Variants in SHISA9 observed in about 807,000 individuals in gnomAD.
SHISA9 encodes the protein protein shisa-9.
In SHISA9, 13 loss-of-function variants were observed where a neutral mutation model predicts 38.0. The observed-to-expected ratio is 0.34, with a 90% CI of 0.22 to 0.54. The LOEUF (loss-of-function observed/expected upper bound fraction) is 0.54. Ranked by LOEUF, SHISA9 falls within the 20% of genes least tolerant of loss-of-function variation. The pLI, the probability that SHISA9 is intolerant of heterozygous loss-of-function variation, is 0.91. For missense variants in SHISA9, 538 were observed against 575.8 expected (o/e 0.93, Z 0.67); for synonymous variants, 275 against 242.0 (o/e 1.14, Z -1.27).
intron 2 of SHISA9, among the ~76,000 whole-genome samples, chr16:13,019,760 TTTCTTTTC>T (rs2072801290): frequency 6.7e-6 from 1 of 148,902 alleles, no homozygotes; most frequent in African/African-American, 2.5e-5. Context: ...TTTTCTTTTC[TTTCTTTTC>T]TTTCTTTCTT....
chr16:13,254,013 T>C, the SHISA9 span, among the ~76,000 whole-genome samples: 2 of 152,166 alleles, frequency 1.3e-5, no homozygotes, highest in African/African-American at 4.8e-5. Context: ...AAAATTCTAA[T>C]TAGGGCTACT....
At chr16:13,412,111 A>T in the SHISA9 span, among the ~76,000 whole-genome samples, 2 of 145,692 alleles carry the variant, frequency 1.4e-5, no homozygotes, top group African/African-American at 5.7e-5. Flanking sequence ...ATGTAAGTAC[A>T]GAAAGGGACA....
At chr16:13,456,314 A>G in the SHISA9 span, among the ~76,000 whole-genome samples, 2 of 152,070 alleles carry the variant, frequency 1.3e-5, no homozygotes, top group Non-Finnish European at 2.9e-5. Context: ...AGCTAGCTAG[A>G]CCACCTCTCC....
chr16:13,295,211 T>G, the SHISA9 span, among the ~76,000 whole-genome samples: 1 of 152,166 alleles, frequency 6.6e-6, no homozygotes, highest in Non-Finnish European at 1.5e-5. Flanking sequence ...AATAAGAAAG[T>G]AAAATAAATA....
At chr16:13,010,174 C>T (rs946493386) in intron 2 of SHISA9, among the ~76,000 whole-genome samples, 4 of 150,320 alleles carry the variant, frequency 2.7e-5, no homozygotes, top group South Asian at 2.1e-4. Context: ...AATCTTGTCT[C>T]GAAAAAAGAA....
intron 2 of SHISA9, among the ~76,000 whole-genome samples, chr16:13,133,334 T>G (rs1375534083): frequency 6.6e-6 from 1 of 152,216 alleles, no homozygotes; most frequent in Non-Finnish European, 1.5e-5. Context: ...AAAGAGAATT[T>G]GCTCACAAGG....
chr16:13,461,882 G>A, the SHISA9 span, among the ~76,000 whole-genome samples: 17,960 of 151,808 alleles, frequency 0.12, 1,121 homozygotes, highest in Non-Finnish European at 0.13. Flanking sequence ...CAAAGTGCTG[G>A]GATTACAGGC....
the SHISA9 span, among the ~76,000 whole-genome samples, chr16:13,390,201 C>A: frequency 4.0e-5 from 6 of 151,870 alleles, no homozygotes; most frequent in Non-Finnish European, 8.8e-5. Context: ...ATACCAGGTG[C>A]ACCAGAAGCA....
At chr16:13,300,246 C>T in the SHISA9 span, among the ~76,000 whole-genome samples, 4 of 152,230 alleles carry the variant, frequency 2.6e-5, no homozygotes, top group East Asian at 1.9e-4. Context: ...AGACCCAATC[C>T]GCCCCCACAT....
chr16:12,925,285 C>T (rs1414713177), intron 2 of SHISA9, among the ~76,000 whole-genome samples: 2 of 152,172 alleles, frequency 1.3e-5, no homozygotes, highest in Admixed American at 1.3e-4. Context: ...CCATTTGTTC[C>T]TGTCTTACGG....
At chr16:13,555,827 A>G in the SHISA9 span, among the ~76,000 whole-genome samples, 1 of 152,182 alleles carries the variant, frequency 6.6e-6, no homozygotes, top group African/African-American at 2.4e-5. Flanking sequence ...TAAAATAACT[A>G]TCCACCTCTC....
the SHISA9 span, among the ~76,000 whole-genome samples, chr16:13,435,201 A>G: frequency 6.6e-6 from 1 of 151,792 alleles, no homozygotes; most frequent in African/African-American, 2.4e-5. Context: ...ATTCCCTGAA[A>G]GGATAGATGT....
At chr16:13,087,185 C>T in intron 2 of SHISA9, among the ~76,000 whole-genome samples, 1 of 129,388 alleles carries the variant, frequency 7.7e-6, no homozygotes, top group Admixed American at 9.0e-5. Context: ...GCATGGTATT[C>T]CATGGTGTAT....
At chr16:13,376,404 T>C in the SHISA9 span, among the ~76,000 whole-genome samples, 4 of 152,332 alleles carry the variant, frequency 2.6e-5, no homozygotes, top group South Asian at 2.1e-4. Context: ...AACACACTTA[T>C]ATGACTACAT....
the SHISA9 span, among the ~76,000 whole-genome samples, chr16:13,530,777 C>T: frequency 2.0e-5 from 3 of 152,300 alleles, no homozygotes; most frequent in Non-Finnish European, 4.4e-5. Context: ...GGAGGCCAAC[C>T]TGACCTGTAG....
chr16:13,174,707 G>T (rs1008390921), intron 2 of SHISA9, among the ~76,000 whole-genome samples: 7 of 152,140 alleles, frequency 4.6e-5, no homozygotes, highest in Non-Finnish European at 8.8e-5. Flanking sequence ...GAGGGAAGAC[G>T]CTGGTTTTGT....
the SHISA9 span, among the ~76,000 whole-genome samples, chr16:13,324,286 T>C: frequency 6.6e-6 from 1 of 152,316 alleles, no homozygotes; most frequent in Non-Finnish European, 1.5e-5. Context: ...TTGATTACCC[T>C]TTCGTGACCT....
chr16:12,967,465 C>T (rs1352277542), intron 2 of SHISA9, among the ~76,000 whole-genome samples: 9 of 151,830 alleles, frequency 5.9e-5, no homozygotes, highest in Admixed American at 2.0e-4. Flanking sequence ...TGCTAAATGA[C>T]GAGTTAATGG....
chr16:13,221,060 G>A (rs942839324), intron 4 of SHISA9, among the ~76,000 whole-genome samples: 2 of 151,544 alleles, frequency 1.3e-5, no homozygotes, highest in East Asian at 1.9e-4. Flanking sequence ...CAGTACCACC[G>A]CCTGTTGGGA....
Sources: allele counts gnomAD v4.1 joint callset (sites outside exome capture counted in the v4.1 genomes callset), GRCh38; gene constraint gnomAD v4.1.1; transcripts MANE v1.5; gene names NCBI Gene and HGNC (gene_info 2026-07-23, HGNC 2026-07-21).